Variants in MBOAT2 observed in about 807,000 individuals in gnomAD.
MBOAT2 encodes the protein membrane bound glycerophospholipid O-acyltransferase 2, also known as membrane-bound glycerophospholipid O-acyltransferase 2.
A neutral mutation model predicts 63.4 loss-of-function variants in MBOAT2; 28 were observed. The ratio of observed to expected loss-of-function variants is 0.44; its 90% CI spans 0.33 to 0.61. MBOAT2 has a LOEUF of 0.61. Ranked by LOEUF, MBOAT2 falls within the 20% of genes least tolerant of loss-of-function variation. The pLI is 0.03. For missense variants in MBOAT2, 470 were observed against 605.8 expected (o/e 0.78, Z 2.35); for synonymous variants, 211 against 215.6 (o/e 0.98, Z 0.19).
At chr2:8,941,111 T>G (rs888603363) in intron 3 of MBOAT2, among the ~76,000 whole-genome samples, 1 of 151,922 alleles carries the variant, frequency 6.6e-6, no homozygotes, top group African/African-American at 2.4e-5. Context: ...AGTGAAAAAG[T>G]AAAGTCATAG....
At chr2:8,866,552 C>T (rs997201921) in intron 9 of MBOAT2, among the ~76,000 whole-genome samples, 1 of 152,108 alleles carries the variant, frequency 6.6e-6, no homozygotes, top group Non-Finnish European at 1.5e-5. Context: ...GAATATATGT[C>T]CAATAAATAA....
rs749979160 is a variant in MBOAT2, at chr2:8,860,597, T to C, written c.1337+16A>G. ...AGAGTTATTCCCACTGACAAAGTTT[T>C]AAGAGTAACACTTACCTGTAAAACG... On this transcript the variant is annotated intron_variant, in intron 12 of 12. Transcript: ENST00000305997. The C allele has an allele frequency of 1.2e-6, 2 of 1,607,584 alleles. No homozygotes were observed. The highest frequency in any genetic ancestry group is 2.7e-5 in the African/African-American group (2 of 74,662).
chr2:8,938,645 TGTGTCTCATGCCACCACATTTCATGCC>T (rs1191770930), intron 3 of MBOAT2, among the ~76,000 whole-genome samples: 4 of 150,624 alleles, frequency 2.7e-5, no homozygotes, highest in Non-Finnish European at 3.0e-5. Flanking sequence ...CTCATGCCAC[TGTGTCTCATGCCACCACATTTCATGCC>T]GTGTCTCATG....
At position 9,003,532 on chromosome 2, in the gene MBOAT2, C is replaced by A; in HGVS notation, c.75+8G>T. On this transcript the variant is annotated splice_region_variant and intron_variant, in intron 1 of 12. Transcript: ENST00000305997. This position sits in a 1 kb window ranked among gnomAD's most constrained non-coding sequence, Gnocchi z 5.4. Reference sequence around the variant, plus strand: ...CGCGACGCCCGGCGCCAGGGCGCCTCGGGGTACCTGGTCGATGGGCAGCTG... The same window carrying A: ...CGCGACGCCCGGCGCCAGGGCGCCTAGGGGTACCTGGTCGATGGGCAGCTG... 8.3e-7 allele frequency: 1 copy of A among 1,202,104 alleles called. No individual in the cohort carries two copies. 74.5% of individuals were successfully genotyped at this position (1,202,104 alleles called of 1,614,324 possible). A position where few individuals can be genotyped will look rare whatever the true frequency, so the allele number is the denominator to read the frequency against.
At chr2:8,924,922 C>G (rs1000371910) in intron 3 of MBOAT2, among the ~76,000 whole-genome samples, 1 of 152,206 alleles carries the variant, frequency 6.6e-6, no homozygotes, top group South Asian at 2.1e-4. Flanking sequence ...AGACCTTCAG[C>G]ATATCACCTG....
chr2:8,855,138 T>G lies in MBOAT2; in HGVS notation c.*3541A>C, dbSNP rs1222136101. 1 of 152,248 alleles carries G rather than the reference T, an allele frequency of 6.6e-6. No homozygotes were observed. The highest frequency in any genetic ancestry group is 2.4e-5 in the African/African-American group (1 of 41,462). The allele number at this position is 152,248 out of a possible 1,614,324, so 9.4% of individuals were successfully genotyped here. ...TTTCACTGTTATCATGACAACCTTT[T>G]GAAATGTCAGGGCTTTGAGCTCAAG... is the stretch of plus-strand genomic sequence containing the variant. On this transcript the variant is annotated 3_prime_UTR_variant, in exon 13 of 13. Coordinates refer to ENST00000305997, the MANE Select transcript of MBOAT2 (RefSeq NM_138799.4).
chr2:8,878,487 G>A (rs1215758440), intron 6 of MBOAT2, among the ~76,000 whole-genome samples: 1 of 152,058 alleles, frequency 6.6e-6, no homozygotes, highest in East Asian at 1.9e-4. Flanking sequence ...ACACTCTTGT[G>A]GACAAGAGAG....
chr2:8,893,772 G>A (rs997004399), intron 4 of MBOAT2, among the ~76,000 whole-genome samples: 1 of 152,214 alleles, frequency 6.6e-6, no homozygotes, highest in African/African-American at 2.4e-5. Flanking sequence ...TCAAACAAGA[G>A]TCATTTAGTT....
At chr2:8,976,000 G>C (rs931674564) in intron 1 of MBOAT2, among the ~76,000 whole-genome samples, 1 of 152,090 alleles carries the variant, frequency 6.6e-6, no homozygotes, top group African/African-American at 2.4e-5. Context: ...TGTTCTGCAG[G>C]ACAAGCCTGT....
intron 11 of MBOAT2, chr2:8,861,241 T>C (rs938277542): frequency 2.0e-5 from 3 of 152,384 alleles, no homozygotes; most frequent in African/African-American, 7.2e-5. Context: ...TTGGCTTTGC[T>C]AATATGCAAG....
chr2:8,868,897 T>TA (rs1267628214), intron 8 of MBOAT2, among the ~76,000 whole-genome samples: 1 of 152,190 alleles, frequency 6.6e-6, no homozygotes, highest in Non-Finnish European at 1.5e-5. Flanking sequence ...AAGAAGTTGC[T>TA]AAGGGGATGT....
intron 5 of MBOAT2, among the ~76,000 whole-genome samples, chr2:8,884,195 CAAAAAAAA>C (rs1169179642): frequency 4.1e-4 from 9 of 22,102 alleles, no homozygotes; most frequent in African/African-American, 8.2e-4. Flanking sequence ...AAGACTCAGC[CAAAAAAAA>C]AAAAAAAAAA....
intron 1 of MBOAT2, chr2:8,974,363 C>T (rs1390196439): frequency 2.2e-6 from 1 of 456,400 alleles, no homozygotes; most frequent in Non-Finnish European, 4.4e-6. Flanking sequence ...ACTTGCTTTT[C>T]GCCTGTGGAC....
intron 4 of MBOAT2, among the ~76,000 whole-genome samples, chr2:8,904,997 T>C (rs573310120): frequency 1.3e-5 from 2 of 151,430 alleles, no homozygotes; most frequent in African/African-American, 4.8e-5. Context: ...AATTTACACA[T>C]ACACACACAC....
chr2:8,980,386 C>A (rs915822401), intron 1 of MBOAT2, among the ~76,000 whole-genome samples: 3 of 152,122 alleles, frequency 2.0e-5, no homozygotes, highest in Non-Finnish European at 4.4e-5. Flanking sequence ...GACCAAGTAA[C>A]CTCTGGCATT....
intron 1 of MBOAT2, among the ~76,000 whole-genome samples, chr2:8,968,233 T>C (rs1429179458): frequency 2.0e-5 from 3 of 152,220 alleles, no homozygotes; most frequent in African/African-American, 7.2e-5. Flanking sequence ...ATATTTGCTG[T>C]TCTGCAGCCT....
At chr2:8,904,096 C>G (rs904026649) in intron 4 of MBOAT2, among the ~76,000 whole-genome samples, 9 of 151,944 alleles carry the variant, frequency 5.9e-5, no homozygotes, top group African/African-American at 2.2e-4. Context: ...CGTGCCTCAG[C>G]CTCCGAAGAA....
intron 1 of MBOAT2, among the ~76,000 whole-genome samples, chr2:8,991,167 T>C (rs1199645033): frequency 1.3e-5 from 2 of 151,982 alleles, no homozygotes; most frequent in African/African-American, 4.8e-5. Context: ...TATCACAAAA[T>C]AAAACATTTT....
At chr2:8,886,396 G>C (rs1352451446) in intron 5 of MBOAT2, among the ~76,000 whole-genome samples, 3 of 152,178 alleles carry the variant, frequency 2.0e-5, no homozygotes, top group Non-Finnish European at 1.5e-5. Flanking sequence ...TCACCAAACT[G>C]GGAGTGGTCT....
Sources: gnomAD v4.1 joint callset for allele counts (sites outside exome capture counted in the v4.1 genomes callset) on GRCh38, gnomAD v4.1.1 for gene constraint, Gnocchi (gnomAD v3.1) non-coding constraint, MANE v1.5 for transcripts, NCBI Gene and HGNC (gene_info 2026-07-23, HGNC 2026-07-21) for gene names.